CNTNAP4: variants seen among roughly 807,000 people sequenced by gnomAD.
CNTNAP4 encodes the protein contactin associated protein family member 4.
In CNTNAP4, 98 loss-of-function variants were observed where a neutral mutation model predicts 148.4. That is an observed-to-expected ratio of 0.66 (90% CI 0.56 to 0.78). CNTNAP4 has a LOEUF of 0.78. Among genes scored for constraint, CNTNAP4 ranks in the 30% least tolerant of loss-of-function variants. The pLI, the probability that CNTNAP4 is intolerant of heterozygous loss-of-function variation, is 0.00. For synonymous variants in CNTNAP4, 730 were observed against 565.1 expected (o/e 1.29, Z -4.14); for missense variants, 1,935 against 1,565.6 (o/e 1.24, Z -3.98).
chr16:76,508,119 A>G (rs1429402480), intron 15 of CNTNAP4, among the ~76,000 whole-genome samples: 1 of 97,850 alleles, frequency 1.0e-5, no homozygotes, highest in African/African-American at 2.6e-5. Flanking sequence ...TAACTAATGT[A>G]TTACCTATTG....
At chr16:76,336,042 C>A (rs552564546) in intron 2 of CNTNAP4, among the ~76,000 whole-genome samples, 1 of 152,118 alleles carries the variant, frequency 6.6e-6, no homozygotes, top group Non-Finnish European at 1.5e-5. Flanking sequence ...GAAAGGTAGA[C>A]AAATCCCTGT....
intron 15 of CNTNAP4, among the ~76,000 whole-genome samples, chr16:76,509,482 C>T (rs563058919): frequency 1.0e-5 from 1 of 97,418 alleles, no homozygotes; most frequent in African/African-American, 2.6e-5. Context: ...AAGAAAACAC[C>T]AAATTTAAGC....
At position 76,553,325 on chromosome 16, in the gene CNTNAP4, A is replaced by G. The variant is rs757924074; in HGVS notation, c.3485A>G (p.Gln1162Arg). Residue 1162 changes from glutamine (Q) to arginine (R), a missense_variant, in exon 22 of 24, where the codon CAG becomes CGG. Gln to Arg is a conservative substitution (Grantham distance 43, BLOSUM62 1). Transcript: ENST00000611870. ...CAGGATACTGCACTGGCAGGTGCGC[A>G]GGGCTTCACAGGCTGCCTCTCTGCA... ...VDQDTALAGA[Q>R]GFTGCLSAVQ... The G allele has an allele frequency of 8.1e-6, 13 of 1,612,756 alleles. No individual in the cohort carries two copies. In the East Asian group the frequency reaches 1.3e-4, roughly 17 times the overall value.
At chr16:76,369,435 C>T (rs766127717) in intron 3 of CNTNAP4, among the ~76,000 whole-genome samples, 4 of 152,174 alleles carry the variant, frequency 2.6e-5, no homozygotes, top group Non-Finnish European at 5.9e-5. Context: ...CTACCATCTG[C>T]TGTCTTTTAG....
intron 4 of CNTNAP4, 46 bp downstream of exon 4, chr16:76,427,645 A>G: frequency 6.7e-7 from 1 of 1,495,348 alleles, no homozygotes; most frequent in Non-Finnish European, 9.0e-7. Context: ...ATCAAAAGAG[A>G]TGTTTTAAAA....
At chr16:76,361,437 G>A (rs142825656) in intron 3 of CNTNAP4, among the ~76,000 whole-genome samples, 8 of 152,182 alleles carry the variant, frequency 5.3e-5, no homozygotes, top group South Asian at 4.2e-4. Flanking sequence ...TTCACTTAGC[G>A]TTATGTCGTC....
intron 10 of CNTNAP4, among the ~76,000 whole-genome samples, chr16:76,472,979 C>T (rs1433125623): frequency 2.0e-5 from 3 of 152,050 alleles, no homozygotes; most frequent in Non-Finnish European, 4.4e-5. Context: ...AATAAAAAGA[C>T]ATAAGTATAC....
chr16:76,552,877 A>G lies in CNTNAP4; in HGVS notation c.3443-406A>G, dbSNP rs1337532105. On this transcript the variant is annotated intron_variant, in intron 21 of 23. Coordinates refer to ENST00000611870, the MANE Select transcript of CNTNAP4 (RefSeq NM_033401.5). ...CTCTAGTTTCTGTTACTTTCAGGGC[A>G]TAAGTCTTGAAACCTGTACTGAACT... Among the ~76,000 whole-genome samples, 5 of 152,336 alleles carry G rather than the reference A, an allele frequency of 3.3e-5. No individual in the cohort carries two copies. The East Asian group carries it at 7.7e-4, about 23-fold the overall frequency.
At chr16:76,482,665 A>G (rs979777167) in intron 12 of CNTNAP4, among the ~76,000 whole-genome samples, 1 of 152,162 alleles carries the variant, frequency 6.6e-6, no homozygotes, top group Non-Finnish European at 1.5e-5. Flanking sequence ...CTGTCTCACA[A>G]CCATTGAGGA....
At chr16:76,434,557 C>G (rs1459088225) in intron 4 of CNTNAP4, among the ~76,000 whole-genome samples, 9 of 152,164 alleles carry the variant, frequency 5.9e-5, no homozygotes, top group Admixed American at 5.2e-4. Flanking sequence ...CTGCAGAGGC[C>G]AAATGGGAGA....
intron 21 of CNTNAP4, among the ~76,000 whole-genome samples, chr16:76,546,495 C>A (rs2084740599): frequency 6.6e-6 from 1 of 152,174 alleles, no homozygotes; most frequent in Non-Finnish European, 1.5e-5. Flanking sequence ...TTATGAGAAT[C>A]TAATGCCTGA....
chr16:76,477,377 C>T (rs1286623112), intron 11 of CNTNAP4, among the ~76,000 whole-genome samples: 1 of 152,122 alleles, frequency 6.6e-6, no homozygotes, highest in Non-Finnish European at 1.5e-5. Flanking sequence ...TTAGTATTAC[C>T]TCCTATATCC....
intron 3 of CNTNAP4, among the ~76,000 whole-genome samples, chr16:76,393,459 C>T (rs1283924055): frequency 1.3e-5 from 2 of 152,192 alleles, no homozygotes; most frequent in African/African-American, 4.8e-5. Context: ...TCAGTCTGTA[C>T]TGAACACTGG....
At chr16:76,492,231 C>T (rs1415946644) in intron 13 of CNTNAP4, among the ~76,000 whole-genome samples, 1 of 152,080 alleles carries the variant, frequency 6.6e-6, no homozygotes, top group African/African-American at 2.4e-5. Flanking sequence ...TACTTGAAAT[C>T]TGCTAAGAGA....
At chr16:76,303,293 A>G (rs1442718891) in intron 1 of CNTNAP4, among the ~76,000 whole-genome samples, 1 of 152,140 alleles carries the variant, frequency 6.6e-6, no homozygotes, top group Non-Finnish European at 1.5e-5. Flanking sequence ...AAAATTCCTT[A>G]TCACTAGGAA....
At chr16:76,332,445 G>A (rs1006604322) in intron 2 of CNTNAP4, among the ~76,000 whole-genome samples, 2 of 151,944 alleles carry the variant, frequency 1.3e-5, no homozygotes, top group African/African-American at 4.8e-5. Flanking sequence ...GTCTTTTTTT[G>A]TAGAGATGGG....
chr16:76,530,563 C>T (rs929128493), intron 17 of CNTNAP4, among the ~76,000 whole-genome samples: 4 of 152,136 alleles, frequency 2.6e-5, no homozygotes, highest in African/African-American at 9.7e-5. Context: ...CTCGCTCTGG[C>T]TTCAGTGTGT....
chr16:76,476,307 T>A (rs1464815654), intron 11 of CNTNAP4, among the ~76,000 whole-genome samples: 1 of 152,220 alleles, frequency 6.6e-6, no homozygotes, highest in Non-Finnish European at 1.5e-5. Context: ...AATTTTGTTA[T>A]CTTGTTCTGT....
intron 3 of CNTNAP4, among the ~76,000 whole-genome samples, chr16:76,357,055 C>G (rs1222019610): frequency 7.2e-6 from 1 of 138,958 alleles, no homozygotes; most frequent in Non-Finnish European, 1.5e-5. Context: ...AACAACAAAA[C>G]AAAACACACA....
Sources: allele counts gnomAD v4.1 joint callset (sites outside exome capture counted in the v4.1 genomes callset), GRCh38; gene constraint gnomAD v4.1.1; transcripts MANE v1.5; gene names NCBI Gene and HGNC (gene_info 2026-07-23, HGNC 2026-07-21).